Variants in TENM3 observed in about 807,000 individuals in gnomAD.
The protein encoded by TENM3 is teneurin-3.
TENM3 carries 63 observed loss-of-function variants against 255.1 expected under a neutral mutation model. The ratio of observed to expected loss-of-function variants is 0.25; its 90% CI spans 0.20 to 0.30. The LOEUF is 0.30. Ranked by LOEUF, TENM3 falls within the 10% of genes least tolerant of loss-of-function variation. The pLI is 1.00. For missense variants in TENM3, 2,929 were observed against 3,461.1 expected, an observed-to-expected ratio of 0.85 and a Z score of 3.86; for synonymous variants, 1,306 against 1,322.3, an observed-to-expected ratio of 0.99 and a Z score of 0.27.
the TENM3 span, among the ~76,000 whole-genome samples, chr4:181,642,239 T>TC: frequency 3.9e-5 from 6 of 152,232 alleles, no homozygotes; most frequent in East Asian, 1.2e-3. Flanking sequence ...TGATTTTTTT[T>TC]CATATGTTTG....
intron 1 of TENM3, among the ~76,000 whole-genome samples, chr4:182,233,387 C>T (rs1212849869): frequency 1.3e-5 from 2 of 152,226 alleles, no homozygotes; most frequent in African/African-American, 2.4e-5. Context: ...ACTTGGGAAC[C>T]TGACCGACGT....
chr4:182,455,825 G>A (rs571889838), intron 3 of TENM3, among the ~76,000 whole-genome samples: 2 of 152,270 alleles, frequency 1.3e-5, no homozygotes, highest in East Asian at 3.9e-4. Flanking sequence ...GCCTCCCAAA[G>A]TGCTGGGATG....
chr4:181,609,351 GT>G, the TENM3 span, among the ~76,000 whole-genome samples: 1 of 152,122 alleles, frequency 6.6e-6, no homozygotes, highest in African/African-American at 2.4e-5. Context: ...AGTGAAGAGG[GT>G]TTTTTTCCAC....
chr4:181,544,188 C>T, the TENM3 span, among the ~76,000 whole-genome samples: 1 of 151,950 alleles, frequency 6.6e-6, no homozygotes, highest in African/African-American at 2.4e-5. Flanking sequence ...CATTTCTTAA[C>T]ATCATATCAA....
At chr4:182,543,000 C>T (rs1027042005) in intron 3 of TENM3, among the ~76,000 whole-genome samples, 4 of 152,170 alleles carry the variant, frequency 2.6e-5, no homozygotes, top group Non-Finnish European at 5.9e-5. Context: ...AGTTTGAACC[C>T]AAGCCGTCTA....
the TENM3 span, among the ~76,000 whole-genome samples, chr4:181,832,529 T>C: frequency 1.3e-5 from 2 of 152,316 alleles, no homozygotes; most frequent in Admixed American, 1.3e-4. Context: ...TCCACCTCCA[T>C]AAACCAGCAG....
chr4:182,435,791 T>C (rs891675157), intron 3 of TENM3, among the ~76,000 whole-genome samples: 2 of 152,254 alleles, frequency 1.3e-5, no homozygotes, highest in African/African-American at 4.8e-5. Context: ...AGGTGATCTT[T>C]AGCTATTTTC....
At chr4:182,391,247 A>T (rs191824561) in intron 3 of TENM3, among the ~76,000 whole-genome samples, 10 of 152,302 alleles carry the variant, frequency 6.6e-5, no homozygotes, top group African/African-American at 2.4e-4. Flanking sequence ...GACTGAGAAG[A>T]GGGCAAGAGT....
chr4:182,786,875 G>T (rs1347983039), intron 24 of TENM3, among the ~76,000 whole-genome samples: 1 of 152,094 alleles, frequency 6.6e-6, no homozygotes, highest in Non-Finnish European at 1.5e-5. Context: ...AAACATTCAG[G>T]GTATTTTTTC....
At position 182,802,632 on chromosome 4, in the gene TENM3, A is replaced by G. The variant is rs1021916765; in HGVS notation, c.*2281A>G. 6.6e-6 allele frequency: 1 copy of G among 152,584 alleles called. No homozygotes were observed. The highest frequency in any genetic ancestry group is 2.4e-5 in the African/African-American group (1 of 41,434). 9.5% of individuals were successfully genotyped at this position (152,584 alleles called of 1,614,324 possible). On this transcript the variant is annotated 3_prime_UTR_variant, in exon 28 of 28. Coordinates refer to ENST00000511685, the MANE Select transcript of TENM3 (RefSeq NM_001080477.4). ...AGATTTGGAGTATCTCCTGGTGCTT[A>G]TTTTAGATGATGAAGTCAAATCAAC...
At chr4:182,196,164 G>T (rs748818098) in intron 1 of TENM3, among the ~76,000 whole-genome samples, 1 of 152,038 alleles carries the variant, frequency 6.6e-6, no homozygotes, top group South Asian at 2.1e-4. Context: ...GCCATCCCCC[G>T]TGCGGAGTGA....
the TENM3 span, among the ~76,000 whole-genome samples, chr4:181,649,074 G>A: frequency 6.6e-6 from 1 of 152,270 alleles, no homozygotes; most frequent in East Asian, 1.9e-4. Context: ...TGTGGTTACT[G>A]TGGGCAAGGC....
At chr4:181,963,259 CA>C in the TENM3 span, among the ~76,000 whole-genome samples, 4 of 152,152 alleles carry the variant, frequency 2.6e-5, no homozygotes, top group Non-Finnish European at 4.4e-5. Context: ...GTCAGTAAGA[CA>C]AGTAATTTAT....
the TENM3 span, among the ~76,000 whole-genome samples, chr4:181,727,279 CAAAAA>C: frequency 6.6e-6 from 1 of 152,126 alleles, no homozygotes. Context: ...AAGAGTTTTC[CAAAAA>C]TCACCTCATT....
At chr4:181,673,007 G>A in the TENM3 span, among the ~76,000 whole-genome samples, 9 of 152,100 alleles carry the variant, frequency 5.9e-5, no homozygotes, top group East Asian at 1.9e-4. Flanking sequence ...CAGATTATTC[G>A]GTCTTCATAT....
At chr4:182,222,576 G>A (rs1450138) in intron 1 of TENM3, among the ~76,000 whole-genome samples, 48,441 of 152,058 alleles carry the variant, frequency 0.32, 8,346 homozygotes, top group South Asian at 0.43. Flanking sequence ...ATTGTACCTT[G>A]GTTAGTAGTT....
At chr4:181,720,749 C>T in the TENM3 span, among the ~76,000 whole-genome samples, 1 of 151,798 alleles carries the variant, frequency 6.6e-6, no homozygotes, top group African/African-American at 2.4e-5. Flanking sequence ...AAAAGTTATT[C>T]AATGTCAAAT....
chr4:181,774,859 G>T, the TENM3 span, among the ~76,000 whole-genome samples: 33 of 121,490 alleles, frequency 2.7e-4, no homozygotes, highest in Non-Finnish European at 5.3e-4. Context: ...CTTTTTGATG[G>T]GGTTGTTTGT....
intron 1 of TENM3, among the ~76,000 whole-genome samples, chr4:182,258,495 T>C (rs1758574279): frequency 1.3e-5 from 2 of 152,030 alleles, no homozygotes; most frequent in South Asian, 2.1e-4. Flanking sequence ...CTACTTTAAA[T>C]TGCTTAGTGT....
Sources: allele counts gnomAD v4.1 joint callset (sites outside exome capture counted in the v4.1 genomes callset), GRCh38; gene constraint gnomAD v4.1.1; transcripts MANE v1.5; gene names NCBI Gene and HGNC (gene_info 2026-07-23, HGNC 2026-07-21).